ZP3: variants seen among roughly 807,000 people sequenced by gnomAD.
The protein encoded by ZP3 is zona pellucida sperm-binding protein 3.
A neutral mutation model predicts 35.6 loss-of-function variants in ZP3; 21 were observed. The ratio of observed to expected loss-of-function variants is 0.59; its 90% CI spans 0.42 to 0.85. The LOEUF (loss-of-function observed/expected upper bound fraction) is 0.85, where lower values mean the gene tolerates loss of function less well. ZP3 is among the 40% of genes least tolerant of loss of function. The pLI is 0.00. For synonymous variants in ZP3, 207 were observed against 214.5 expected (o/e 0.96, Z 0.31); for missense variants, 437 against 536.5 (o/e 0.81, Z 1.83).
upstream of ZP3, among the ~76,000 whole-genome samples, chr7:76,423,025 GAGAAAGAAAGAAAGAAAGAA>G (rs200948956): frequency 5.3e-5 from 4 of 75,852 alleles, no homozygotes; most frequent in Non-Finnish European, 1.1e-4. Flanking sequence ...GAGAGAGAGA[GAGAAAGAAAGAAAGAAAGAA>G]AGAAAGAAAG....
chr7:76,430,595 T>C (rs983212125), intron 2 of ZP3, among the ~76,000 whole-genome samples: 1 of 151,726 alleles, frequency 6.6e-6, no homozygotes, highest in East Asian at 2.0e-4. Context: ...ATTAGCCGAG[T>C]GTGGTAGCGC....
At chr7:76,425,358 G>A in intron 1 of ZP3, 82 bp downstream of exon 1, 1 of 1,450,022 alleles carries the variant, frequency 6.9e-7, no homozygotes, top group Non-Finnish European at 9.3e-7. Context: ...CCATCGGTGG[G>A]AGGTGGGGTT....
At chr7:76,405,297 A>G (rs865993756) in intron 1 of ZP3, among the ~76,000 whole-genome samples, 1,405 of 44,578 alleles carry the variant, frequency 0.032, 68 homozygotes, top group African/African-American at 0.057. Context: ...ATATATATAT[A>G]TATATATATA....
At chr7:76,419,260 T>A (rs1329004882) in intron 1 of ZP3, among the ~76,000 whole-genome samples, 1 of 152,188 alleles carries the variant, frequency 6.6e-6, no homozygotes, top group Non-Finnish European at 1.5e-5. Flanking sequence ...TAGCAAATAT[T>A]TTCCAGCTCA....
intron 1 of ZP3, among the ~76,000 whole-genome samples, chr7:76,425,602 G>A (rs1331104340): frequency 1.3e-5 from 2 of 151,802 alleles, no homozygotes; most frequent in Middle Eastern, 3.5e-3. Flanking sequence ...GGTAGCCTAA[G>A]GGGCTGTTTC....
chr7:76,414,479 G>T (rs1281963990), intron 1 of ZP3, among the ~76,000 whole-genome samples: 1 of 151,952 alleles, frequency 6.6e-6, no homozygotes. Context: ...GGCATGACTG[G>T]AGAGTGGGAA....
At chr7:76,404,532 T>G in intron 1 of ZP3, 1 of 1,597,346 alleles carries the variant, frequency 6.3e-7, no homozygotes, top group Non-Finnish European at 8.5e-7. Context: ...CAAATGTTGC[T>G]GGGCCTCCCA....
At chr7:76,425,354 G>T in intron 1 of ZP3, 78 bp downstream of exon 1, 1 of 1,458,080 alleles carries the variant, frequency 6.9e-7, no homozygotes. Flanking sequence ...GCCACCATCG[G>T]TGGGAGGTGG....
At chr7:76,405,349 T>C (rs1177869212) in intron 1 of ZP3, among the ~76,000 whole-genome samples, 14 of 113,300 alleles carry the variant, frequency 1.2e-4, no homozygotes, top group Non-Finnish European at 1.7e-4. Flanking sequence ...CTTTTTTTTT[T>C]TTTTTTTTTT....
chr7:76,399,501 G>A (rs952864768), intron 1 of ZP3, among the ~76,000 whole-genome samples: 2 of 152,064 alleles, frequency 1.3e-5, no homozygotes, highest in South Asian at 2.1e-4. Context: ...TCTATGCCAC[G>A]TGGAGCGCAT....
At chr7:76,404,739 C>G (rs1049286801) in intron 1 of ZP3, among the ~76,000 whole-genome samples, 5 of 151,086 alleles carry the variant, frequency 3.3e-5, no homozygotes, top group Admixed American at 1.3e-4. Flanking sequence ...GAGATATAGC[C>G]TGGGTAACAT....
At chr7:76,434,638 A>G (rs1371321944) in intron 5 of ZP3, among the ~76,000 whole-genome samples, 1 of 57,578 alleles carries the variant, frequency 1.7e-5, no homozygotes. Context: ...CTCCATCTCC[A>G]AAAAAAAAAA....
At chr7:76,413,196 C>T (rs1219183525) in intron 1 of ZP3, among the ~76,000 whole-genome samples, 1 of 151,786 alleles carries the variant, frequency 6.6e-6, no homozygotes, top group Admixed American at 6.6e-5. Flanking sequence ...CTCCTGACCT[C>T]ATGGCCTCCC....
intron 1 of ZP3, among the ~76,000 whole-genome samples, chr7:76,410,143 G>A (rs1005836003): frequency 6.0e-5 from 9 of 151,188 alleles, no homozygotes; most frequent in African/African-American, 2.2e-4. Flanking sequence ...ATCAATTCTC[G>A]TGCCTCAGCG....
Position 76,410,999 on chromosome 7 carries a change from G to GAAAAA in ZP3, c.-67+13216_-67+13220dup, listed in dbSNP as rs977138723. 6.0e-4 allele frequency among the ~76,000 whole-genome samples: 48 copies of GAAAAA among 79,958 alleles called. 2 individuals are homozygous for GAAAAA. Among genetic ancestry groups the GAAAAA allele is most frequent in the East Asian group, 1.2e-3 (3 of 2,560 alleles). 52.5% of individuals were successfully genotyped at this position (79,958 alleles called of 152,430 possible). A position where few individuals can be genotyped will look rare whatever the true frequency, so the allele number is the denominator to read the frequency against. On this transcript the variant is annotated intron_variant, in intron 1 of 8. Coordinates refer to the ZP3 transcript ENST00000336517. ...AACAGAGCAAGACTCCATCTCAAAA[G>GAAAAA]AAAAAAAAAAAAAAAAAAGAAAAGA...
chr7:76,429,711 G>A, intron 2 of ZP3, 78 bp downstream of exon 2: 1 of 1,194,872 alleles, frequency 8.4e-7, no homozygotes, highest in Non-Finnish European at 1.2e-6. Context: ...CTGGCTATGG[G>A]CTACAGCTTG....
chr7:76,401,479 C>G (rs1426554521), intron 1 of ZP3, among the ~76,000 whole-genome samples: 1 of 151,964 alleles, frequency 6.6e-6, no homozygotes, highest in Non-Finnish European at 1.5e-5. Flanking sequence ...TGCAATGGCA[C>G]GATCTCAGCT....
chr7:76,426,784 C>A (rs1020152397), intron 1 of ZP3, among the ~76,000 whole-genome samples: 2 of 151,534 alleles, frequency 1.3e-5, no homozygotes, highest in South Asian at 2.1e-4. Context: ...AATCCCAGCA[C>A]TTTGGGAGGC....
intron 1 of ZP3, among the ~76,000 whole-genome samples, chr7:76,399,349 G>A (rs1804740501): frequency 6.6e-6 from 1 of 152,070 alleles, no homozygotes; most frequent in South Asian, 2.1e-4. Context: ...CCTCCCTTGG[G>A]AACTGTTAGC....
Sources: allele counts gnomAD v4.1 joint callset (sites outside exome capture counted in the v4.1 genomes callset), GRCh38; gene constraint gnomAD v4.1.1; transcripts MANE v1.5; gene names NCBI Gene and HGNC (gene_info 2026-07-23, HGNC 2026-07-21).